Variants in PAM observed in about 807,000 individuals in gnomAD.
PAM encodes peptidylglycine alpha-amidating monooxygenase.
Under a neutral mutation model 122.1 loss-of-function variants are expected in PAM, and 72 were observed. That is an observed-to-expected ratio of 0.59 (90% CI 0.49 to 0.72). The LOEUF (loss-of-function observed/expected upper bound fraction) is 0.72, where lower values mean the gene tolerates loss of function less well. Among genes scored for constraint, PAM ranks in the 30% least tolerant of loss-of-function variants. The probability of loss-of-function intolerance (pLI) is 0.00; values close to 1 mark genes in which losing one functional copy is unlikely to be tolerated. For missense variants in PAM, 1,106 were observed against 1,183.7 expected (o/e 0.93, Z 0.96); for synonymous variants, 389 against 404.4 (o/e 0.96, Z 0.46).
At chr5:102,901,836 AAGGAAGGGAAGGAGAGAGGG>A (rs1798018226) in intron 4 of PAM, among the ~76,000 whole-genome samples, 1 of 151,516 alleles carries the variant, frequency 6.6e-6, no homozygotes, top group Admixed American at 6.6e-5. Context: ...GATGGATAGA[AAGGAAGGGAAGGAGAGAGGG>A]AGGAAGGGAT....
At chr5:103,003,371 T>C (rs1777984377) in intron 17 of PAM, among the ~76,000 whole-genome samples, 1 of 152,128 alleles carries the variant, frequency 6.6e-6, no homozygotes, top group Non-Finnish European at 1.5e-5. Context: ...CACTTATCTG[T>C]TTGCCATTTG....
At chr5:102,810,122 G>T (rs1767459900) in intron 1 of PAM, among the ~76,000 whole-genome samples, 1 of 152,122 alleles carries the variant, frequency 6.6e-6, no homozygotes, top group African/African-American at 2.4e-5. Context: ...TTAGGTTTTT[G>T]TTCTTTGCCA....
chr5:102,820,350 C>T (rs907754024), intron 1 of PAM, among the ~76,000 whole-genome samples: 1 of 152,118 alleles, frequency 6.6e-6, no homozygotes, highest in African/African-American at 2.4e-5. Context: ...TTAAGCCTAA[C>T]ATTAAAATAG....
chr5:102,949,003 T>C (rs1257491247), intron 9 of PAM, among the ~76,000 whole-genome samples: 4 of 152,086 alleles, frequency 2.6e-5, no homozygotes, highest in Admixed American at 6.6e-5. Context: ...TGTTCATTTG[T>C]TTTCGCTGGG....
intron 1 of PAM, among the ~76,000 whole-genome samples, chr5:102,775,419 T>A (rs1756892375): frequency 6.6e-6 from 1 of 152,120 alleles, no homozygotes; most frequent in African/African-American, 2.4e-5. Context: ...CATGATGGTT[T>A]GCTTCACCTA....
chr5:102,931,843 G>A (rs917781740), intron 7 of PAM, among the ~76,000 whole-genome samples: 5 of 148,614 alleles, frequency 3.4e-5, no homozygotes, highest in Non-Finnish European at 5.9e-5. Flanking sequence ...TGTCTCTCTC[G>A]GCTTGTTTCC....
In PAM at chr5:103,028,953, G is replaced by T. The variant is rs1785803002; in HGVS notation, c.2810G>T (p.Gly937Val). ...FASRKGYSRK[G>V]FDRLSTEGSD... is the part of the protein sequence containing the mutation. ...AGCCGTAAGGGCTACAGTCGAAAAG[G>T]GTTTGACCGGCTTAGCACTGAGGGC... The change falls in exon 26 of 26, where the codon GGG becomes GTG. Residue 937 changes from glycine to valine, a missense_variant. Physicochemically the swap from Gly to Val is moderately radical, Grantham distance 109. Transcript: ENST00000438793. The T allele has an allele frequency of 6.2e-7, 1 of 1,613,762 alleles. No individual in the cohort carries two copies. Among genetic ancestry groups the T allele is most frequent in the Non-Finnish European group, 8.5e-7 (1 of 1,179,734 alleles).
intron 1 of PAM, among the ~76,000 whole-genome samples, chr5:102,788,573 A>G (rs1456394644): frequency 2.0e-5 from 3 of 152,142 alleles, no homozygotes; most frequent in Non-Finnish European, 4.4e-5. Flanking sequence ...ATTTTTATAT[A>G]ATTTTAAAAA....
At chr5:102,887,135 T>C (rs1461490524) in intron 3 of PAM, among the ~76,000 whole-genome samples, 2 of 151,992 alleles carry the variant, frequency 1.3e-5, no homozygotes, top group Non-Finnish European at 2.9e-5. Flanking sequence ...AGAACTCATG[T>C]TGAAAGTTGA....
At chr5:102,977,342 A>G (rs1768005770) in intron 15 of PAM, among the ~76,000 whole-genome samples, 1 of 152,150 alleles carries the variant, frequency 6.6e-6, no homozygotes, top group African/African-American at 2.4e-5. Flanking sequence ...GAAGAAGACA[A>G]TAGAATGATA....
chr5:102,757,132 C>T (rs1044640013), intron 1 of PAM, among the ~76,000 whole-genome samples: 1 of 152,080 alleles, frequency 6.6e-6, no homozygotes, highest in African/African-American at 2.4e-5. Flanking sequence ...TCCGTACCAG[C>T]CTGGCCGACA....
chr5:102,757,125 G>C (rs406690), intron 1 of PAM, among the ~76,000 whole-genome samples: 2 of 151,514 alleles, frequency 1.3e-5, no homozygotes, highest in African/African-American at 4.9e-5. Flanking sequence ...CAGAAGTTCC[G>C]TACCAGCCTG....
chr5:102,839,972 A>T (rs540133602), intron 1 of PAM, among the ~76,000 whole-genome samples: 12 of 152,160 alleles, frequency 7.9e-5, no homozygotes, highest in Non-Finnish European at 1.5e-4. Context: ...TAGAAATAAG[A>T]TGTGCTTACT....
chr5:102,954,039 T>TA (rs906340034), intron 12 of PAM, among the ~76,000 whole-genome samples: 2 of 151,754 alleles, frequency 1.3e-5, no homozygotes, highest in East Asian at 1.9e-4. Flanking sequence ...CGTCTCAAAA[T>TA]AAAAAAATAT....
intron 1 of PAM, among the ~76,000 whole-genome samples, chr5:102,813,327 G>C (rs1435045772): frequency 6.6e-6 from 1 of 152,146 alleles, no homozygotes; most frequent in Non-Finnish European, 1.5e-5. Context: ...AAACTTCAAA[G>C]ATCTTGATTT....
At chr5:102,863,003 A>T (rs1248410021) in intron 1 of PAM, among the ~76,000 whole-genome samples, 3 of 150,814 alleles carry the variant, frequency 2.0e-5, no homozygotes, top group Non-Finnish European at 3.0e-5. Context: ...TTTTTTTTTA[A>T]AAAAAAATGA....
chr5:103,021,246 A>G (rs1487526895), intron 23 of PAM, among the ~76,000 whole-genome samples: 1 of 152,202 alleles, frequency 6.6e-6, no homozygotes, highest in Non-Finnish European at 1.5e-5. Flanking sequence ...TGCACTCTTA[A>G]CCACTATTGC....
At chr5:102,841,181 T>TG (rs1192224971) in intron 1 of PAM, among the ~76,000 whole-genome samples, 1 of 152,182 alleles carries the variant, frequency 6.6e-6, no homozygotes, top group Non-Finnish European at 1.5e-5. Context: ...CTATTTAGAA[T>TG]GGAATTGCCT....
chr5:102,920,628 A>G (rs886612849), intron 5 of PAM, among the ~76,000 whole-genome samples: 1 of 152,124 alleles, frequency 6.6e-6, no homozygotes, highest in Non-Finnish European at 1.5e-5. Flanking sequence ...CTCATACTGA[A>G]TGCATTTTGA....
Sources: gnomAD v4.1 joint callset for allele counts (sites outside exome capture counted in the v4.1 genomes callset) on GRCh38, gnomAD v4.1.1 for gene constraint, MANE v1.5 for transcripts, NCBI Gene and HGNC (gene_info 2026-07-23, HGNC 2026-07-21) for gene names.